The following PGM1 variants were observed in gnomAD, a reference collection of about 807,000 sequenced individuals.
PGM1 encodes the protein phosphoglucomutase 1, also known as phosphoglucomutase-1.
Under a neutral mutation model 55.6 loss-of-function variants are expected in PGM1, and 52 were observed. The ratio of observed to expected loss-of-function variants is 0.94; its 90% CI spans 0.75 to 1.18. PGM1 has a LOEUF of 1.18. Ranked by LOEUF, PGM1 falls within the 50% of genes most tolerant of loss-of-function variation. PGM1 has a pLI of 0.00. For missense variants in PGM1, 724 were observed against 729.3 expected (o/e 0.99, Z 0.08); for synonymous variants, 287 against 271.7 (o/e 1.06, Z -0.55).
At chr1:63,654,995 G>T (rs1319642017) in intron 10 of PGM1, among the ~76,000 whole-genome samples, 1 of 147,974 alleles carries the variant, frequency 6.8e-6, no homozygotes, top group Non-Finnish European at 1.5e-5. Context: ...TTGAGACAGG[G>T]TCTCACTCTG....
chr1:63,603,380 T>C (rs887062368), intron 1 of PGM1, among the ~76,000 whole-genome samples: 1 of 152,112 alleles, frequency 6.6e-6, no homozygotes, highest in African/African-American at 2.4e-5. Flanking sequence ...GTATGTGGAG[T>C]AGGGAAGTGC....
At chr1:63,612,077 T>C (rs2100967233) in intron 1 of PGM1, among the ~76,000 whole-genome samples, 1 of 151,894 alleles carries the variant, frequency 6.6e-6, no homozygotes, top group Middle Eastern at 3.4e-3. Flanking sequence ...GCCAACATGG[T>C]GAAGCCCCAT....
At chr1:63,629,608 A>G (rs1440680643) in intron 2 of PGM1, 21 bp downstream of exon 2, 2 of 1,610,082 alleles carry the variant, frequency 1.2e-6, no homozygotes, top group South Asian at 2.2e-5. Context: ...TGTCATTTTG[A>G]GGACAGGTAA....
chr1:63,599,498 T>TA (rs10608683), intron 1 of PGM1, among the ~76,000 whole-genome samples: 119 of 147,648 alleles, frequency 8.1e-4, no homozygotes, highest in Non-Finnish European at 9.9e-4. Flanking sequence ...ACCCCCACTT[T>TA]AAAAAAAAAA....
chr1:63,603,373 T>C (rs1047013229), intron 1 of PGM1, among the ~76,000 whole-genome samples: 2 of 152,152 alleles, frequency 1.3e-5, no homozygotes, highest in African/African-American at 4.8e-5. Context: ...GAAATGAGTA[T>C]GTGGAGTAGG....
At chr1:63,652,258 G>A (rs1459140911) in intron 9 of PGM1, among the ~76,000 whole-genome samples, 2 of 152,220 alleles carry the variant, frequency 1.3e-5, no homozygotes, top group African/African-American at 4.8e-5. Flanking sequence ...GTGACAGCAT[G>A]TAAGTGGCAT....
At chr1:63,618,729 C>A (rs192934470) in intron 1 of PGM1, among the ~76,000 whole-genome samples, 1 of 152,102 alleles carries the variant, frequency 6.6e-6, no homozygotes, top group South Asian at 2.1e-4. Flanking sequence ...AGGTGTGGCT[C>A]GGCCAAGGGT....
At chr1:63,638,591 C>T (rs959028036) in intron 6 of PGM1, 94 bp from the exon 7 acceptor site, 8 of 834,122 alleles carry the variant, frequency 9.6e-6, no homozygotes, top group Non-Finnish European at 1.5e-5. Flanking sequence ...CTAAATGGGA[C>T]CCTTGATTAC....
intron 7 of PGM1, among the ~76,000 whole-genome samples, chr1:63,646,751 G>A (rs1649654755): frequency 6.6e-6 from 1 of 151,840 alleles, no homozygotes; most frequent in African/African-American, 2.4e-5. Context: ...TTCTCATTGT[G>A]GTTTTAACTT....
intron 1 of PGM1, among the ~76,000 whole-genome samples, chr1:63,604,239 A>G (rs1648349514): frequency 6.6e-6 from 1 of 152,218 alleles, no homozygotes; most frequent in Non-Finnish European, 1.5e-5. Flanking sequence ...CAGCTGTTGT[A>G]ACAGACACTC....
At chr1:63,639,858 C>T (rs193195302) in intron 7 of PGM1, among the ~76,000 whole-genome samples, 127 of 152,288 alleles carry the variant, frequency 8.3e-4, no homozygotes, top group Admixed American at 1.6e-3. Context: ...CACATATTTA[C>T]AGAGTTCTAA....
intron 1 of PGM1, among the ~76,000 whole-genome samples, chr1:63,609,957 G>A (rs1648524038): frequency 1.3e-5 from 2 of 152,192 alleles, no homozygotes. Context: ...CCAAATGGAA[G>A]TCAGACCACT....
chr1:63,623,789 T>G (rs1648951300), intron 1 of PGM1: 1 of 1,512,088 alleles, frequency 6.6e-7, no homozygotes, highest in African/African-American at 1.4e-5. Flanking sequence ...TTGTTATGTT[T>G]CTGGCTCTCC....
chr1:63,623,674 G>C (rs769610644), intron 1 of PGM1: 2 of 1,611,572 alleles, frequency 1.2e-6, no homozygotes, highest in East Asian at 2.2e-5. Context: ...AGATCGCCAG[G>C]GATCATCACT....
chr1:63,633,932 A>AT lies in PGM1; in HGVS notation c.683-868dup, dbSNP rs60609353. Among the ~76,000 whole-genome samples the AT allele has an allele frequency of 1.6e-3, 58 of 35,354 alleles. 11 individuals carry two copies. The highest frequency in any genetic ancestry group is 6.1e-3 in the African/African-American group (37 of 6,092). 23.2% of individuals were successfully genotyped at this position (35,354 alleles called of 152,430 possible). A position where few individuals can be genotyped will look rare whatever the true frequency, so the allele number is the denominator to read the frequency against. ...TGTGTGTGTGTGTATATATATATAT[A>AT]TTTTTTTTTTTTTTTTTTTTTTTTT... On this transcript the variant is annotated intron_variant, in intron 4 of 10. Coordinates refer to ENST00000371084, the MANE Select transcript of PGM1 (RefSeq NM_002633.3).
intron 1 of PGM1, among the ~76,000 whole-genome samples, chr1:63,615,550 C>CTTCTTT (rs1648687863): frequency 1.6e-5 from 1 of 62,976 alleles, no homozygotes; most frequent in East Asian, 6.2e-4. Context: ...TCTTCTTCTT[C>CTTCTTT]TTTTTTTTTT....
chr1:63,638,848 T>A (rs1011156524), intron 7 of PGM1, 48 bp downstream of exon 7: 1 of 1,316,838 alleles, frequency 7.6e-7, no homozygotes, highest in Non-Finnish European at 1.1e-6. Flanking sequence ...AACCACTATT[T>A]CCAGTAAAAG....
intron 1 of PGM1, 107 bp downstream of exon 1, chr1:63,593,841 C>A (rs571449970): frequency 9.2e-6 from 12 of 1,309,414 alleles, no homozygotes; most frequent in Non-Finnish European, 1.2e-5. Flanking sequence ...GCGCTGCCGC[C>A]TCGGTTTCCA....
chr1:63,641,587 T>C (rs1028642609), intron 7 of PGM1, among the ~76,000 whole-genome samples: 2 of 152,222 alleles, frequency 1.3e-5, no homozygotes, highest in African/African-American at 4.8e-5. Context: ...TCTGTATTTT[T>C]CCAGGCGATA....
Sources: allele counts gnomAD v4.1 joint callset (sites outside exome capture counted in the v4.1 genomes callset), GRCh38; gene constraint gnomAD v4.1.1; transcripts MANE v1.5; gene names NCBI Gene and HGNC (gene_info 2026-07-23, HGNC 2026-07-21).